PTPRM: variants seen among roughly 807,000 people sequenced by gnomAD.
The protein encoded by PTPRM is receptor-type tyrosine-protein phosphatase mu.
In PTPRM, 47 loss-of-function variants were observed where a neutral mutation model predicts 186.7. The ratio of observed to expected loss-of-function variants is 0.25; its 90% CI spans 0.20 to 0.32. The LOEUF (loss-of-function observed/expected upper bound fraction) is 0.32, where lower values mean the gene tolerates loss of function less well. PTPRM is among the 10% of genes least tolerant of loss of function. PTPRM has a pLI of 1.00. For synonymous variants in PTPRM, 668 were observed against 674.9 expected, an observed-to-expected ratio of 0.99 and a Z score of 0.16; for missense variants, 1,494 against 1,865.0, an observed-to-expected ratio of 0.80 and a Z score of 3.66.
chr18:7,867,526 C>T (rs2047771314), intron 2 of PTPRM, among the ~76,000 whole-genome samples: 1 of 152,172 alleles, frequency 6.6e-6, no homozygotes, highest in Non-Finnish European at 1.5e-5. Flanking sequence ...AATATTGACT[C>T]CCACTCTCTT....
At chr18:7,790,054 G>T (rs1416787485) in intron 2 of PTPRM, among the ~76,000 whole-genome samples, 1 of 152,128 alleles carries the variant, frequency 6.6e-6, no homozygotes, top group Non-Finnish European at 1.5e-5. Flanking sequence ...GGAATTCTTT[G>T]CTCCTTCACT....
chr18:7,799,198 C>T (rs1277974764), intron 2 of PTPRM, among the ~76,000 whole-genome samples: 1 of 152,126 alleles, frequency 6.6e-6, no homozygotes, highest in African/African-American at 2.4e-5. Flanking sequence ...AAGATAGTGC[C>T]TTGCTGCTGC....
chr18:7,982,547 T>C (rs78361801), intron 7 of PTPRM, among the ~76,000 whole-genome samples: 14,459 of 151,892 alleles, frequency 0.095, 757 homozygotes, highest in South Asian at 0.17. Flanking sequence ...ATAAGTAGAA[T>C]GCTGTAAAAT....
intron 26 of PTPRM, 159 bp from the exon 27 acceptor site, chr18:8,378,106 G>A (rs758796145): frequency 5.3e-5 from 35 of 657,034 alleles, no homozygotes; most frequent in Non-Finnish European, 5.4e-5. Flanking sequence ...GTAATATTTG[G>A]CATTGCACCC....
chr18:7,617,101 T>C (rs961079690), intron 1 of PTPRM, among the ~76,000 whole-genome samples: 4 of 152,154 alleles, frequency 2.6e-5, no homozygotes, highest in Admixed American at 1.3e-4. Context: ...CTCTTTCCAG[T>C]AGAGAATAAT....
chr18:8,271,926 T>G (rs750386842), intron 19 of PTPRM, among the ~76,000 whole-genome samples: 1 of 152,130 alleles, frequency 6.6e-6, no homozygotes, highest in Admixed American at 6.5e-5. Context: ...AAATAACTTT[T>G]GTTGGCTGAG....
intron 14 of PTPRM, among the ~76,000 whole-genome samples, chr18:8,163,869 T>C (rs17398368): frequency 0.18 from 27,806 of 152,268 alleles, 2,709 homozygotes; most frequent in Middle Eastern, 0.27. Flanking sequence ...AAAACATCTT[T>C]AATTACTATC....
rs115141594 is a variant in PTPRM at position 8,180,675 on chromosome 18, T to G, written c.2300+36896T>G. Reference sequence around the variant, plus strand: ...AGTTGTATGCATGCTCACCTGAGCTTTCTTCCCTTACCGGTTCATTATTCC... The same window carrying G: ...AGTTGTATGCATGCTCACCTGAGCTGTCTTCCCTTACCGGTTCATTATTCC... On this transcript the variant is annotated intron_variant, in intron 14 of 32. Coordinates refer to ENST00000580170, the MANE Select transcript of PTPRM (RefSeq NM_001105244.2). Among the ~76,000 whole-genome samples, 962 of 152,284 alleles carry G rather than the reference T, an allele frequency of 6.3e-3. 11 individuals are homozygous for G. Among genetic ancestry groups the G allele is most frequent in the African/African-American group, 0.022 (921 of 41,552 alleles).
At chr18:7,980,983 A>G (rs2082517152) in intron 7 of PTPRM, among the ~76,000 whole-genome samples, 2 of 152,058 alleles carry the variant, frequency 1.3e-5, no homozygotes, top group Non-Finnish European at 2.9e-5. Context: ...ACATTCCCCT[A>G]TCATCTGGCT....
At chr18:7,716,324 A>G (rs2040330440) in intron 1 of PTPRM, among the ~76,000 whole-genome samples, 1 of 151,476 alleles carries the variant, frequency 6.6e-6, no homozygotes, top group Non-Finnish European at 1.5e-5. Context: ...AAAACCTTTT[A>G]CAAAAATTAA....
chr18:7,939,243 C>T (rs1264738742), intron 5 of PTPRM, among the ~76,000 whole-genome samples: 1 of 151,502 alleles, frequency 6.6e-6, no homozygotes, highest in Non-Finnish European at 1.5e-5. Flanking sequence ...TTAATCCCCA[C>T]CTGTATGTCT....
chr18:8,370,739 A>T, intron 23 of PTPRM, 151 bp from the exon 24 acceptor site: 1 of 527,892 alleles, frequency 1.9e-6, no homozygotes, highest in Admixed American at 3.3e-5. Context: ...ATAAAAACAC[A>T]GGTGATCTAC....
At chr18:7,696,778 T>C (rs2039854672) in intron 1 of PTPRM, among the ~76,000 whole-genome samples, 1 of 152,236 alleles carries the variant, frequency 6.6e-6, no homozygotes, top group Non-Finnish European at 1.5e-5. Flanking sequence ...TTGTGCACAT[T>C]TTTTTGTTAA....
intron 20 of PTPRM, among the ~76,000 whole-genome samples, chr18:8,301,135 G>A (rs11664519): frequency 6.6e-6 from 1 of 152,198 alleles, no homozygotes; most frequent in Non-Finnish European, 1.5e-5. Context: ...GCATATCTTA[G>A]AGATTCTTGT....
intron 14 of PTPRM, among the ~76,000 whole-genome samples, chr18:8,219,466 C>CAAAAA (rs75422489): frequency 6.9e-6 from 1 of 144,060 alleles, no homozygotes; most frequent in Non-Finnish European, 1.5e-5. Flanking sequence ...GAGTCCATCT[C>CAAAAA]AAAAAAAAAA....
chr18:8,378,266 A>C lies in PTPRM; in HGVS notation c.3464A>C (p.Glu1155Ala), dbSNP rs1419659796. The C allele has an allele frequency of 1.2e-6, 2 of 1,609,186 alleles. No individual in the cohort carries two copies. The highest frequency in any genetic ancestry group is 2.7e-5 in the African/African-American group (2 of 74,760). ...AACTCGTTCCATCTCCTTCTCCAGG[A>C]GCAGTATGTGTTTATCCACGATGCG... ...SRRVNMVQTE[E>A]QYVFIHDAIL... Residue 1155 changes from glutamate (E) to alanine (A), a missense_variant and splice_region_variant, in exon 27 of 33, where the codon GAG (glutamate) becomes GCG (alanine). This residue lies in a region of PTPRM where 1,107 missense variants were observed against 1,350.2 expected (regional missense o/e 0.82). Coordinates refer to ENST00000580170, the MANE Select transcript of PTPRM (RefSeq NM_001105244.2).
chr18:7,792,955 G>A (rs2043418051), intron 2 of PTPRM, among the ~76,000 whole-genome samples: 1 of 152,150 alleles, frequency 6.6e-6, no homozygotes, highest in Non-Finnish European at 1.5e-5. Flanking sequence ...TTTTACTAGT[G>A]AAATAATTTT....
chr18:7,944,681 G>C (rs535107914), intron 5 of PTPRM, among the ~76,000 whole-genome samples: 1 of 152,010 alleles, frequency 6.6e-6, no homozygotes, highest in East Asian at 1.9e-4. Flanking sequence ...TTTTTTTATA[G>C]TTCTCCTAAA....
At chr18:7,589,194 A>G (rs1157712148) in intron 1 of PTPRM, among the ~76,000 whole-genome samples, 1 of 152,230 alleles carries the variant, frequency 6.6e-6, no homozygotes, top group Non-Finnish European at 1.5e-5. Flanking sequence ...GTGAAAGACA[A>G]GAAGCCCTCC....
Sources: allele counts gnomAD v4.1 joint callset (sites outside exome capture counted in the v4.1 genomes callset), GRCh38; gene constraint gnomAD v4.1.1; regional missense constraint gnomAD v4.1.1; transcripts MANE v1.5; gene names NCBI Gene and HGNC (gene_info 2026-07-23, HGNC 2026-07-21).